TARBP1: variants seen among roughly 807,000 people sequenced by gnomAD.
TARBP1 encodes tRNA (guanosine(18)-2'-O)-methyltransferase TARBP1.
TARBP1 carries 144 observed loss-of-function variants against 178.6 expected under a neutral mutation model. That is an observed-to-expected ratio of 0.81 (90% confidence interval 0.70 to 0.93). TARBP1 has a LOEUF of 0.93. Ranked by LOEUF, TARBP1 falls within the 40% of genes least tolerant of loss-of-function variation. TARBP1 has a pLI of 0.00. For missense variants in TARBP1, 2,067 were observed against 2,011.7 expected (o/e 1.03, Z -0.53); for synonymous variants, 787 against 781.0 (o/e 1.01, Z -0.13).
intron 24 of TARBP1, among the ~76,000 whole-genome samples, chr1:234,404,566 A>C (rs957122250): frequency 2.0e-5 from 3 of 152,182 alleles, no homozygotes; most frequent in African/African-American, 4.8e-5. Context: ...AAAGATCAAG[A>C]TTTTTAGTTT....
chr1:234,429,827 C>A (rs1217215792), intron 15 of TARBP1, 150 bp from the exon 16 acceptor site: 1 of 975,886 alleles, frequency 1.0e-6, no homozygotes, highest in African/African-American at 1.6e-5. Flanking sequence ...CTACCAAAAA[C>A]TAAGGAAACC....
chr1:234,397,938 A>G (rs917197667), intron 26 of TARBP1, among the ~76,000 whole-genome samples: 2 of 136,792 alleles, frequency 1.5e-5, no homozygotes, highest in African/African-American at 5.4e-5. Flanking sequence ...GAGAAGGGAT[A>G]ACATGAAGCG....
chr1:234,401,402 C>A, intron 24 of TARBP1, 140 bp from the exon 25 acceptor site: 1 of 604,192 alleles, frequency 1.7e-6, no homozygotes, highest in Non-Finnish European at 3.0e-6. Flanking sequence ...AAGATTTATA[C>A]ACACCTCTCC....
chr1:234,440,457 GAGAC>G (rs1042561892), intron 12 of TARBP1, among the ~76,000 whole-genome samples: 4 of 151,436 alleles, frequency 2.6e-5, no homozygotes, highest in African/African-American at 4.8e-5. Flanking sequence ...GCCAGAGACA[GAGAC>G]AGAGAGAGAG....
intron 9 of TARBP1, among the ~76,000 whole-genome samples, chr1:234,451,252 A>C (rs1208250922): frequency 6.6e-6 from 1 of 152,234 alleles, no homozygotes; most frequent in African/African-American, 2.4e-5. Flanking sequence ...TTAAAATCTA[A>C]ATATGTTCTC....
chr1:234,418,214 A>G lies in TARBP1; in HGVS notation c.3575T>C (p.Ile1192Thr), dbSNP rs780260339. The change falls in exon 22 of 30, where the codon ATT (isoleucine) becomes ACT (threonine). Residue 1192 changes from isoleucine (I) to threonine (T), a missense_variant. Physicochemically the swap from Ile to Thr is moderately conservative, Grantham distance 89. Coordinates refer to ENST00000040877, the MANE Select transcript of TARBP1 (RefSeq NM_005646.4). ...RLDQNFLNGI[I>T]DRIFQAGFTN... ...GAAACCAGCCTGGAAAATCCTGTCA[A>G]TAATTCCATTCAAGAAATTCTGAGA... 6.4e-7 allele frequency: 1 copy of G among 1,554,620 alleles called. No homozygotes were observed. Among genetic ancestry groups the G allele is most frequent in the Non-Finnish European group, 8.6e-7 (1 of 1,162,908 alleles).
rs112913618 is a variant in TARBP1 at position 234,462,461 on chromosome 1, T to C, written c.1399+1376A>G. On this transcript the variant is annotated intron_variant, in intron 6 of 29. Transcript: ENST00000040877. ...ATCCCAGCATTTTGGGAGGCCGAGG[T>C]GGGCAGATCACGAGGTCAAAACATC... is the stretch of plus-strand genomic sequence containing the variant. Among the ~76,000 whole-genome samples the C allele has an allele frequency of 3.3e-3, 508 of 152,150 alleles. 4 individuals are homozygous for C. The highest frequency in any genetic ancestry group is 0.012 in the African/African-American group (492 of 41,516).
Position 234,478,219 on chromosome 1 carries a change from C to T in TARBP1, c.885G>A (p.Ser295=), listed in dbSNP as rs1294884527. 2 of 1,611,940 alleles carry T rather than the reference C, an allele frequency of 1.2e-6. No individual in the cohort carries two copies. The highest frequency in any genetic ancestry group is 1.7e-4 in the Middle Eastern group (1 of 5,880). ...RYLLQRAVEV[S]AELGADCTCG... ...AGGTGCAGTCGGCCCCCAGCTCCGCCGACACCTCCACCGCCCTCTGCAGCA... is the reference window on the plus strand; with the variant it reads ...AGGTGCAGTCGGCCCCCAGCTCCGCTGACACCTCCACCGCCCTCTGCAGCA... The change falls in exon 1 of 30, where the codon TCG becomes TCA. Residue 295 remains serine, a synonymous_variant. Coordinates refer to ENST00000040877, the MANE Select transcript of TARBP1 (RefSeq NM_005646.4).
At position 234,427,308 on chromosome 1, in the gene TARBP1, C is replaced by T. The variant is rs777291290; in HGVS notation, c.3323+9G>A. On this transcript the variant is annotated intron_variant, in intron 19 of 29. Coordinates refer to ENST00000040877, the MANE Select transcript of TARBP1 (RefSeq NM_005646.4). Reference sequence around the variant, plus strand: ...TTATGTGAAGACAGAGAAAATCTACCATACTTACTTTTCCATAACAATATT... The same window carrying T: ...TTATGTGAAGACAGAGAAAATCTACTATACTTACTTTTCCATAACAATATT... The T allele has an allele frequency of 1.6e-5, 25 of 1,595,240 alleles. No individual in the cohort carries two copies. Among genetic ancestry groups the T allele is most frequent in the Non-Finnish European group, 2.1e-5 (24 of 1,166,888 alleles).
At chr1:234,457,614 A>G (rs980070630) in intron 9 of TARBP1, 53 bp downstream of exon 9, 49 of 1,315,698 alleles carry the variant, frequency 3.7e-5, no homozygotes, top group Admixed American at 9.3e-5. Flanking sequence ...ATTCATTAAG[A>G]AAACCATTTT....
intron 6 of TARBP1, among the ~76,000 whole-genome samples, chr1:234,462,673 GC>G: frequency 9.6e-6 from 1 of 103,776 alleles, no homozygotes; most frequent in African/African-American, 4.1e-5. Flanking sequence ...TAATGACAGA[GC>G]AAGACTTCAT....
rs112325742 is a variant in TARBP1, at chr1:234,462,476, G to A, written c.1399+1361C>T. 3.3e-3 allele frequency among the ~76,000 whole-genome samples: 509 copies of A among 152,230 alleles called. 4 individuals carry two copies. The highest frequency in any genetic ancestry group is 0.012 in the African/African-American group (493 of 41,536). On this transcript the variant is annotated intron_variant, in intron 6 of 29. Transcript: ENST00000040877. ...GAGGCCGAGGTGGGCAGATCACGAGGTCAAAACATCGAGACCATACTGGCC... is the reference window on the plus strand; with the variant it reads ...GAGGCCGAGGTGGGCAGATCACGAGATCAAAACATCGAGACCATACTGGCC...
chr1:234,413,104 C>G (rs1553277756), intron 22 of TARBP1, among the ~76,000 whole-genome samples: 2 of 152,166 alleles, frequency 1.3e-5, no homozygotes, highest in Admixed American at 6.5e-5. Context: ...GCCACCAGAG[C>G]TGCTCCTGCC....
At chr1:234,429,726 C>CACGT in intron 15 of TARBP1, 49 bp from the exon 16 acceptor site, 1 of 1,535,974 alleles carries the variant, frequency 6.5e-7, no homozygotes, top group Non-Finnish European at 8.7e-7. Context: ...AATTTGCCTC[C>CACGT]ACGTCTTTTG....
rs137874712 is a variant in TARBP1 at position 234,427,586 on chromosome 1, G to A, written c.3241C>T (p.Arg1081Cys). 31 of 1,598,814 alleles carry A rather than the reference G, an allele frequency of 1.9e-5. No homozygotes were observed. The highest frequency in any genetic ancestry group is 2.3e-5 in the Non-Finnish European group (27 of 1,175,954). ...AATAGCATCTTTTACCTTTGATCAC[G>A]CCTAAACACAGTTCCAAATATACAA... ...EACIFGTVFR[R>C]DQRLVQDVQT... Residue 1081 changes from arginine to cysteine, a missense_variant, in exon 18 of 30, where the codon CGT becomes TGT. Arg to Cys is a radical substitution (Grantham distance 180). Coordinates refer to ENST00000040877, the MANE Select transcript of TARBP1 (RefSeq NM_005646.4).
At chr1:234,446,507 A>C (rs186612287) in intron 12 of TARBP1, among the ~76,000 whole-genome samples, 17 of 152,148 alleles carry the variant, frequency 1.1e-4, no homozygotes, top group African/African-American at 4.1e-4. Flanking sequence ...TAAAAAGCAA[A>C]TGAAATTACA....
rs183857558 is a variant in TARBP1, at chr1:234,402,149, C to T, written c.3990-887G>A. Among the ~76,000 whole-genome samples, 218 of 152,238 alleles carry T rather than the reference C, an allele frequency of 1.4e-3. 1 individual carries two copies. The highest frequency in any genetic ancestry group is 4.7e-3 in the African/African-American group (196 of 41,528). On this transcript the variant is annotated intron_variant, in intron 24 of 29. Transcript: ENST00000040877. Reference sequence around the variant, plus strand: ...AGTGTCCATCAGTAATGGACTCAAGCGATATCCTAAGGCAAATGGAATATT... The same window carrying T: ...AGTGTCCATCAGTAATGGACTCAAGTGATATCCTAAGGCAAATGGAATATT...
chr1:234,457,263 T>G (rs1290762905), intron 9 of TARBP1, among the ~76,000 whole-genome samples: 1 of 152,012 alleles, frequency 6.6e-6, no homozygotes, highest in Non-Finnish European at 1.5e-5. Flanking sequence ...CAGGACAAAC[T>G]CAGAATTACC....
chr1:234,427,682 C>A lies in TARBP1; in HGVS notation c.3145G>T (p.Val1049Leu). 1 of 1,563,860 alleles carries A rather than the reference C, an allele frequency of 6.4e-7. No individual in the cohort carries two copies. The highest frequency in any genetic ancestry group is 2.1e-5 in the Admixed American group (1 of 46,832). ...CCTTGGGACACATTTGAAGCAGACA[C>A]TATCCAAGACTGACAGCAGTAACTT... ...LISYCCQSWI[V>L]SASNVSQGSL... Residue 1049 changes from valine (V) to leucine (L), a missense_variant, in exon 18 of 30, where the codon GTG (valine) becomes TTG (leucine). Physicochemically the swap from Val to Leu is conservative, Grantham distance 32 (BLOSUM62 1). Coordinates refer to ENST00000040877, the MANE Select transcript of TARBP1 (RefSeq NM_005646.4).
Sources: gnomAD v4.1 joint callset for allele counts (sites outside exome capture counted in the v4.1 genomes callset) on GRCh38, gnomAD v4.1.1 for gene constraint, MANE v1.5 for transcripts, NCBI Gene and HGNC (gene_info 2026-07-23, HGNC 2026-07-21) for gene names.